ROBO2: variants seen among roughly 807,000 people sequenced by gnomAD.
ROBO2 encodes roundabout guidance receptor 2.
In ROBO2, 53 loss-of-function variants were observed where a neutral mutation model predicts 160.8. That is an observed-to-expected ratio of 0.33 (90% CI 0.26 to 0.41). The LOEUF (loss-of-function observed/expected upper bound fraction) is 0.41, where lower values mean the gene tolerates loss of function less well. Among genes scored for constraint, ROBO2 ranks in the 10% least tolerant of loss-of-function variants. The pLI is 1.00. For missense variants in ROBO2, 1,577 were observed against 1,722.4 expected (o/e 0.92, Z 1.49); for synonymous variants, 664 against 611.7 (o/e 1.09, Z -1.26).
At chr3:76,160,358 G>A (rs957686185) in intron 2 of ROBO2, among the ~76,000 whole-genome samples, 2 of 152,152 alleles carry the variant, frequency 1.3e-5, no homozygotes, top group African/African-American at 4.8e-5. Context: ...CCATTGAGTG[G>A]AAACTTTGCT....
intron 2 of ROBO2, among the ~76,000 whole-genome samples, chr3:76,064,838 G>A (rs1249218368): frequency 2.6e-5 from 4 of 152,206 alleles, no homozygotes; most frequent in African/African-American, 4.8e-5. Flanking sequence ...ATTTTAAAAG[G>A]TGTATGGCCT....
chr3:76,342,256 C>G (rs895362907), intron 2 of ROBO2, among the ~76,000 whole-genome samples: 3 of 152,118 alleles, frequency 2.0e-5, no homozygotes, highest in Non-Finnish European at 4.4e-5. Flanking sequence ...ACCCATCTTG[C>G]AAACTAACAA....
intron 2 of ROBO2, among the ~76,000 whole-genome samples, chr3:77,287,200 A>G (rs777222216): frequency 9.8e-5 from 15 of 152,320 alleles, no homozygotes; most frequent in Non-Finnish European, 1.8e-4. Context: ...ACATTCACTC[A>G]TACATACACA....
chr3:76,398,567 C>G (rs1461253163), intron 2 of ROBO2, among the ~76,000 whole-genome samples: 1 of 151,784 alleles, frequency 6.6e-6, no homozygotes, highest in Non-Finnish European at 1.5e-5. Flanking sequence ...CTTACCAATT[C>G]AATACGTACC....
chr3:76,805,865 T>C (rs1274103009), intron 2 of ROBO2, among the ~76,000 whole-genome samples: 1 of 151,936 alleles, frequency 6.6e-6, no homozygotes, highest in Non-Finnish European at 1.5e-5. Context: ...ATTTCTTTCC[T>C]TTTAACAGAC....
chr3:77,307,021 A>G (rs545982512), intron 2 of ROBO2, among the ~76,000 whole-genome samples: 2 of 152,318 alleles, frequency 1.3e-5, no homozygotes, highest in African/African-American at 4.8e-5. Flanking sequence ...TCCCAATGCC[A>G]AAATAGATAC....
At chr3:77,164,887 G>T (rs1390429550) in intron 2 of ROBO2, among the ~76,000 whole-genome samples, 10 of 94,570 alleles carry the variant, frequency 1.1e-4, no homozygotes, top group Non-Finnish European at 1.3e-4. Context: ...GGAGGGAGGT[G>T]GGGGGGTCAG....
intron 2 of ROBO2, among the ~76,000 whole-genome samples, chr3:77,191,334 A>G (rs549155479): frequency 3.3e-5 from 5 of 152,256 alleles, no homozygotes; most frequent in African/African-American, 7.2e-5. Context: ...TTAGTCCAGT[A>G]GAGAGCCATA....
chr3:75,929,974 C>A (rs1378468558), intron 1 of ROBO2, among the ~76,000 whole-genome samples: 1 of 152,142 alleles, frequency 6.6e-6, no homozygotes, highest in Non-Finnish European at 1.5e-5. Context: ...GGATTACAGG[C>A]GTGAGCCACT....
intron 2 of ROBO2, among the ~76,000 whole-genome samples, chr3:76,672,105 A>C (rs2092283229): frequency 6.6e-6 from 1 of 152,150 alleles, no homozygotes; most frequent in Non-Finnish European, 1.5e-5. Context: ...TTTTTCGAAT[A>C]CGTATCCACA....
chr3:76,227,596 A>G (rs552551621), intron 2 of ROBO2, among the ~76,000 whole-genome samples: 1 of 152,212 alleles, frequency 6.6e-6, no homozygotes, highest in Non-Finnish European at 1.5e-5. Context: ...TTTTAAAACT[A>G]TATGTTTCCT....
intron 2 of ROBO2, among the ~76,000 whole-genome samples, chr3:76,173,938 C>T (rs2073132481): frequency 6.6e-6 from 1 of 152,180 alleles, no homozygotes; most frequent in Non-Finnish European, 1.5e-5. Flanking sequence ...GGAATTGCCA[C>T]ACTGTCTTCC....
intron 2 of ROBO2, among the ~76,000 whole-genome samples, chr3:76,424,009 G>A (rs893774206): frequency 3.3e-5 from 5 of 152,094 alleles, no homozygotes; most frequent in South Asian, 2.1e-4. Context: ...CCTCCAAAAC[G>A]TCGATGAATC....
chr3:77,367,220 A>C (rs1466561583), intron 2 of ROBO2, among the ~76,000 whole-genome samples: 1 of 152,128 alleles, frequency 6.6e-6, no homozygotes, highest in Non-Finnish European at 1.5e-5. Flanking sequence ...TATATATTAA[A>C]AACCTTTAAG....
chr3:77,503,987 T>A (rs1221723156), intron 5 of ROBO2, among the ~76,000 whole-genome samples: 3 of 152,210 alleles, frequency 2.0e-5, no homozygotes, highest in Non-Finnish European at 4.4e-5. Context: ...CTGATCCCCT[T>A]CAGTGAAGTC....
chr3:77,378,780 A>G (rs1479778949), intron 2 of ROBO2, among the ~76,000 whole-genome samples: 1 of 152,114 alleles, frequency 6.6e-6, no homozygotes, highest in East Asian at 1.9e-4. Context: ...ATTCCATGCT[A>G]TGGTTAACTA....
intron 2 of ROBO2, 122 bp downstream of exon 2, chr3:77,098,462 G>T (rs1258868636): frequency 9.7e-7 from 1 of 1,030,182 alleles, no homozygotes; most frequent in Non-Finnish European, 1.5e-6. Context: ...AATTTTACTT[G>T]GTCTTCTTCA....
At chr3:77,551,424 T>G (rs1489281643) in intron 8 of ROBO2, among the ~76,000 whole-genome samples, 1 of 152,072 alleles carries the variant, frequency 6.6e-6, no homozygotes, top group Non-Finnish European at 1.5e-5. Context: ...ATTCCTATGA[T>G]TTTAATTATG....
chr3:76,319,759 T>A (rs973271892), intron 2 of ROBO2, among the ~76,000 whole-genome samples: 8 of 151,992 alleles, frequency 5.3e-5, no homozygotes, highest in Non-Finnish European at 7.4e-5. Context: ...CTTTTTTTTT[T>A]AATGAGAGAA....
Sources: gnomAD v4.1 joint callset for allele counts (sites outside exome capture counted in the v4.1 genomes callset) on GRCh38, gnomAD v4.1.1 for gene constraint, MANE v1.5 for transcripts, NCBI Gene and HGNC (gene_info 2026-07-23, HGNC 2026-07-21) for gene names.